The following PIH1D2 variants were observed in gnomAD, a reference collection of about 807,000 sequenced individuals.
The protein encoded by PIH1D2 is PIH1 domain containing 2, also known as PIH1 domain-containing protein 2.
Under a neutral mutation model 31.2 loss-of-function variants are expected in PIH1D2, and 25 were observed. That is an observed-to-expected ratio of 0.80 (90% CI 0.58 to 1.12). The LOEUF (loss-of-function observed/expected upper bound fraction) is 1.12, where lower values mean the gene tolerates loss of function less well. PIH1D2 is among the 50% of genes most tolerant of loss of function. The pLI is 0.00. For synonymous variants in PIH1D2, 116 were observed against 119.9 expected, an observed-to-expected ratio of 0.97 and a Z score of 0.21; for missense variants, 310 against 356.6, an observed-to-expected ratio of 0.87 and a Z score of 1.05.
the PIH1D2 span, among the ~76,000 whole-genome samples, chr11:112,056,781 C>G: frequency 9.9e-5 from 15 of 152,278 alleles, no homozygotes; most frequent in South Asian, 3.1e-3. Context: ...ACCATTTTAC[C>G]TTCCCACCAA....
downstream of PIH1D2, chr11:112,060,158 A>ATTTT (rs782188808): frequency 2.4e-4 from 138 of 568,368 alleles, no homozygotes; most frequent in African/African-American, 3.6e-4. Context: ...CTGTCACGTA[A>ATTTT]TTTTTTTTTT....
downstream of PIH1D2, among the ~76,000 whole-genome samples, chr11:112,059,245 T>A (rs2846623): frequency 6.6e-6 from 1 of 152,106 alleles, no homozygotes; most frequent in Non-Finnish European, 1.5e-5. Flanking sequence ...GAGTTCTGAT[T>A]GGTGGGGTTT....
downstream of PIH1D2, among the ~76,000 whole-genome samples, chr11:112,062,150 C>G (rs1170926422): frequency 1.4e-4 from 22 of 152,050 alleles, no homozygotes; most frequent in Admixed American, 6.6e-5. Context: ...ATAAACAAGA[C>G]AAATGAATTG....
At chr11:112,073,542 G>C (rs1865217364) in intron 1 of PIH1D2, among the ~76,000 whole-genome samples, 1 of 152,074 alleles carries the variant, frequency 6.6e-6, no homozygotes, top group Non-Finnish European at 1.5e-5. Context: ...GGTGTGGTGT[G>C]GGGTGAGGGC....
chr11:112,064,226 A>G, downstream of PIH1D2: 3 of 1,546,280 alleles, frequency 1.9e-6, no homozygotes, highest in Non-Finnish European at 2.6e-6. Flanking sequence ...TGTTCCCTTG[A>G]AAAAAAATAA....
downstream of PIH1D2, among the ~76,000 whole-genome samples, chr11:112,065,496 G>A (rs914914113): frequency 6.6e-6 from 1 of 152,182 alleles, no homozygotes; most frequent in Non-Finnish European, 1.5e-5. Context: ...TAAAGATAAG[G>A]TGAAGGCACT....
the PIH1D2 span, among the ~76,000 whole-genome samples, chr11:112,053,193 A>C: frequency 3.3e-5 from 5 of 151,990 alleles, no homozygotes; most frequent in Non-Finnish European, 5.9e-5. Flanking sequence ...GTGGTGGTGC[A>C]TGCCTGTAAT....
chr11:112,072,202 C>T (rs782182323), intron 2 of PIH1D2, among the ~76,000 whole-genome samples: 3 of 152,048 alleles, frequency 2.0e-5, no homozygotes, highest in Non-Finnish European at 4.4e-5. Flanking sequence ...ATTAAAACTG[C>T]GTTTGATTAT....
At chr11:112,053,458 G>A in the PIH1D2 span, among the ~76,000 whole-genome samples, 3 of 151,172 alleles carry the variant, frequency 2.0e-5, no homozygotes, top group Non-Finnish European at 4.4e-5. Context: ...TTTGTTTTTT[G>A]TGTTTTGTTT....
chr11:112,067,987 C>T lies in PIH1D2; in HGVS notation c.832G>A (p.Val278Ile), dbSNP rs1555184071. The change falls in exon 6 of 6, where the codon GTA becomes ATA. Residue 278 changes from valine (V) to isoleucine (I), a missense_variant. Transcript: ENST00000280350. ...SVSEDDLLIE[V>I]SEKYRLHLNL... Reference sequence around the variant, plus strand: ...AGATGTAATCTGTACTTCTCAGATACTTCAATCAATAAATCATCCTAAGAA... The same window carrying T: ...AGATGTAATCTGTACTTCTCAGATATTTCAATCAATAAATCATCCTAAGAA... 2.5e-6 allele frequency: 4 copies of T among 1,585,044 alleles called. No homozygotes were observed. In the Admixed American group the frequency reaches 6.9e-5, roughly 27 times the overall value.
At chr11:112,071,953 T>C (rs1345756850) in intron 2 of PIH1D2, among the ~76,000 whole-genome samples, 195 bp from the exon 3 acceptor site, 1 of 151,774 alleles carries the variant, frequency 6.6e-6, no homozygotes, top group African/African-American at 2.4e-5. Context: ...ATTAGCCAGG[T>C]GTGGTGGTGG....
rs1357287217 is a variant in PIH1D2 at position 112,072,627 on chromosome 11, G to C, written c.177+371C>G. ...GCCTGTAATCCCAGCACTTTGGGAG[G>C]CTGAGTCAGGTGGATCACCTGAAGT... On this transcript the variant is annotated intron_variant, in intron 2 of 5. Transcript: ENST00000280350. 4 of 152,934 alleles carry C rather than the reference G, an allele frequency of 2.6e-5. No homozygotes were observed. The East Asian group carries it at 7.5e-4, about 29-fold the overall frequency. 9.5% of individuals were successfully genotyped at this position (152,934 alleles called of 1,614,324 possible). A position where few individuals can be genotyped will look rare whatever the true frequency, so the allele number is the denominator to read the frequency against.
Position 112,073,151 on chromosome 11 carries a change from C to A in PIH1D2, c.24G>T (p.Leu8=). 1 of 1,612,762 alleles carries A rather than the reference C, an allele frequency of 6.2e-7. No homozygotes were observed. Among genetic ancestry groups the A allele is most frequent in the Non-Finnish European group, 8.5e-7 (1 of 1,179,066 alleles). Residue 8 remains leucine, a synonymous_variant, in exon 2 of 6, where the codon CTG becomes CTT. Transcript: ENST00000280350. Reference sequence around the variant, plus strand: ...TCCAAAACTGAGTAACTTGGGTAAGCAGACCTTTTGAGGATGTCTCCATGA... The same window carrying A: ...TCCAAAACTGAGTAACTTGGGTAAGAAGACCTTTTGAGGATGTCTCCATGA... METSSKG[L]LTQVTQFWNL... is the part of the protein sequence containing the mutation.
intron 4 of PIH1D2, 168 bp downstream of exon 4, chr11:112,070,870 T>C: frequency 8.2e-7 from 1 of 1,224,046 alleles, no homozygotes; most frequent in Non-Finnish European, 1.1e-6. Flanking sequence ...TTGAAAATTT[T>C]TCAGGATTTA....
chr11:112,071,773 AT>A lies in PIH1D2; in HGVS notation c.178-16del, dbSNP rs1566658599. The A allele has an allele frequency of 1.9e-6, 3 of 1,613,746 alleles. No individual in the cohort carries two copies. The highest frequency in any genetic ancestry group is 2.2e-5 in the South Asian group (2 of 91,062). ...TCTTTTGGTTTCTGGAAAGCAAATA[AT>A]TTTGCACATCTCAAAACCTAGTTTA... On this transcript the variant is annotated splice_polypyrimidine_tract_variant and intron_variant, in intron 2 of 5. Coordinates refer to ENST00000280350, the MANE Select transcript of PIH1D2 (RefSeq NM_138789.4).
downstream of PIH1D2, chr11:112,061,209 AT>A (rs1555183237): frequency 6.2e-7 from 1 of 1,612,032 alleles, no homozygotes; most frequent in African/African-American, 1.3e-5. Flanking sequence ...TCGTAAGCTA[AT>A]TTTTATTACA....
chr11:112,059,848 C>A, downstream of PIH1D2: 1 of 1,423,696 alleles, frequency 7.0e-7, no homozygotes, highest in Non-Finnish European at 9.5e-7. Context: ...CTTAACCTGG[C>A]ACACAGGCTC....
chr11:112,067,347 A>G (rs745382447), downstream of PIH1D2, among the ~76,000 whole-genome samples: 221 of 151,836 alleles, frequency 1.5e-3, no homozygotes, highest in Non-Finnish European at 2.7e-3. Flanking sequence ...GTTGATGTTT[A>G]TTTGAGAAGA....
At chr11:112,061,077 A>G (rs781886028), downstream of PIH1D2, 2 of 1,612,322 alleles carry the variant, frequency 1.2e-6, no homozygotes, top group Non-Finnish European at 8.5e-7. Context: ...AATGTTTGGA[A>G]TTAAGAATTT....
Sources: gnomAD v4.1 joint callset for allele counts (sites outside exome capture counted in the v4.1 genomes callset) on GRCh38, gnomAD v4.1.1 for gene constraint, MANE v1.5 for transcripts, NCBI Gene and HGNC (gene_info 2026-07-23, HGNC 2026-07-21) for gene names.